Variants in ABCD2 observed in about 807,000 individuals in gnomAD.
The protein encoded by ABCD2 is ATP binding cassette subfamily D member 2.
ABCD2 carries 36 observed loss-of-function variants against 70.9 expected under a neutral mutation model. That is an observed-to-expected ratio of 0.51 (90% CI 0.39 to 0.67). ABCD2 has a LOEUF of 0.67. ABCD2 is among the 30% of genes least tolerant of loss of function. The probability of loss-of-function intolerance (pLI) is 0.00; values close to 1 mark genes in which losing one functional copy is unlikely to be tolerated. For missense variants in ABCD2, 729 were observed against 890.2 expected, an observed-to-expected ratio of 0.82 and a Z score of 2.30; for synonymous variants, 304 against 306.9, an observed-to-expected ratio of 0.99 and a Z score of 0.10.
At chr12:39,586,735 T>A (rs78639817) in intron 6 of ABCD2, among the ~76,000 whole-genome samples, 2,394 of 152,264 alleles carry the variant, frequency 0.016, 47 homozygotes, top group African/African-American at 0.053. Context: ...GTATATACTT[T>A]GTTTCACTGT....
chr12:39,591,733 AT>A (rs1333146162), intron 6 of ABCD2, among the ~76,000 whole-genome samples: 11 of 152,242 alleles, frequency 7.2e-5, no homozygotes, highest in African/African-American at 2.2e-4. Context: ...AAATAAATAT[AT>A]TATTAGTGGA....
At chr12:39,571,381 C>A (rs1200420033) in intron 9 of ABCD2, among the ~76,000 whole-genome samples, 2 of 152,064 alleles carry the variant, frequency 1.3e-5, no homozygotes, top group Non-Finnish European at 2.9e-5. Flanking sequence ...GAATACTACT[C>A]CACTGTAAAA....
chr12:39,537,687 T>C, the ABCD2 span, among the ~76,000 whole-genome samples: 4 of 152,162 alleles, frequency 2.6e-5, no homozygotes, highest in Non-Finnish European at 5.9e-5. Flanking sequence ...CTTATGTACA[T>C]TTTTCATTAG....
At chr12:39,612,644 CTAAT>C (rs1028179668) in intron 2 of ABCD2, among the ~76,000 whole-genome samples, 11 of 152,132 alleles carry the variant, frequency 7.2e-5, no homozygotes, top group African/African-American at 2.4e-4. Context: ...TTATGCATAC[CTAAT>C]TAGAGTTTTA....
At chr12:39,548,258 C>G (rs1386469726), downstream of ABCD2, among the ~76,000 whole-genome samples, 1 of 151,996 alleles carries the variant, frequency 6.6e-6, no homozygotes, top group Admixed American at 6.6e-5. Flanking sequence ...TTAAGGTAGG[C>G]GAGACTAAAC....
Position 39,617,049 on chromosome 12 carries a change from G to T in ABCD2, c.1059C>A (p.Ser353Arg). The change falls in exon 2 of 10, where the codon AGC (serine) becomes AGA (arginine). Residue 353 changes from serine (S) to arginine (R), a missense_variant. By Grantham distance (110) the Ser-to-Arg change is moderately radical. Transcript: ENST00000308666. ...TAGCCACCATAATTAGTCCACTGCT[G>T]CTCCAAACATACTTCATCAGGAACT... is the stretch of plus-strand genomic sequence containing the variant. ...IEQFLMKYVWSSSGLIMVAIP... is the reference protein window; with the variant it reads ...IEQFLMKYVWRSSGLIMVAIP... 6.2e-7 allele frequency: 1 copy of T among 1,612,284 alleles called. No homozygotes were observed. Among genetic ancestry groups the T allele is most frequent in the South Asian group, 1.1e-5 (1 of 90,774 alleles).
chr12:39,598,308 A>G (rs578104204), intron 6 of ABCD2, among the ~76,000 whole-genome samples: 3 of 152,344 alleles, frequency 2.0e-5, no homozygotes, highest in East Asian at 1.9e-4. Flanking sequence ...AATTTCATAC[A>G]TAAGTGTCAA....
chr12:39,584,030 G>T (rs1941632436), intron 7 of ABCD2, among the ~76,000 whole-genome samples: 1 of 152,096 alleles, frequency 6.6e-6, no homozygotes, highest in African/African-American at 2.4e-5. Context: ...ATATTCCTCT[G>T]AGTATAAACC....
intron 1 of ABCD2, among the ~76,000 whole-genome samples, chr12:39,618,222 TGGCTCTTC>T (rs950064215): frequency 2.6e-5 from 4 of 152,174 alleles, no homozygotes; most frequent in African/African-American, 9.7e-5. Context: ...TAAGAAACCC[TGGCTCTTC>T]CCCCCTCTTG....
intron 6 of ABCD2, among the ~76,000 whole-genome samples, chr12:39,589,808 T>C (rs1412519931): frequency 6.6e-6 from 1 of 152,242 alleles, no homozygotes; most frequent in African/African-American, 2.4e-5. Context: ...TATATATTTA[T>C]TGAGGACTAA....
chr12:39,618,186 T>G (rs1432551559), intron 1 of ABCD2, among the ~76,000 whole-genome samples: 5 of 152,168 alleles, frequency 3.3e-5, no homozygotes, highest in Non-Finnish European at 7.4e-5. Context: ...TGATCAGACA[T>G]GCAAAATTGT....
rs188777963 is a variant in ABCD2, at chr12:39,558,251, C to A, written c.2004-4120G>T. ...AGGGCCTATAGCCCCTTCTTTTTGG[C>A]CAATTTGGAATGGGTGTATTTGCCC... On this transcript the variant is annotated intron_variant, in intron 9 of 9. Transcript: ENST00000308666. 6.3e-4 allele frequency among the ~76,000 whole-genome samples: 96 copies of A among 152,264 alleles called. No homozygotes were observed. The Middle Eastern group carries it at 0.01, about 16-fold the overall frequency.
the ABCD2 span, among the ~76,000 whole-genome samples, chr12:39,534,760 G>GAGAC: frequency 1.8e-5 from 2 of 113,180 alleles, no homozygotes; most frequent in Non-Finnish European, 3.4e-5. Flanking sequence ...AAGAAAGAAA[G>GAGAC]AGAAAGAAAG....
chr12:39,531,289 T>C, the ABCD2 span, among the ~76,000 whole-genome samples: 1 of 152,148 alleles, frequency 6.6e-6, no homozygotes, highest in African/African-American at 2.4e-5. Flanking sequence ...CCTCTAAAAT[T>C]GCTGCGTTAA....
intron 6 of ABCD2, among the ~76,000 whole-genome samples, chr12:39,598,486 T>C (rs10877164): frequency 0.82 from 124,540 of 152,104 alleles, 51,207 homozygotes; most frequent in Non-Finnish European, 0.85. Context: ...CCGCGACCTC[T>C]GTCTCCCAGG....
At chr12:39,613,677 G>A (rs1438746297) in intron 2 of ABCD2, among the ~76,000 whole-genome samples, 1 of 152,136 alleles carries the variant, frequency 6.6e-6, no homozygotes, top group Non-Finnish European at 1.5e-5. Flanking sequence ...CAGTGCATCT[G>A]GAGTTATATA....
At chr12:39,537,294 G>A in the ABCD2 span, among the ~76,000 whole-genome samples, 8 of 152,184 alleles carry the variant, frequency 5.3e-5, no homozygotes, top group South Asian at 1.7e-3. Context: ...CTCAGTTGAT[G>A]GTATATCCAG....
At chr12:39,616,488 C>G (rs1470645437) in intron 2 of ABCD2, among the ~76,000 whole-genome samples, 1 of 152,020 alleles carries the variant, frequency 6.6e-6, no homozygotes, top group Non-Finnish European at 1.5e-5. Flanking sequence ...TATTCCATGG[C>G]ACTTAAGCAT....
At chr12:39,588,782 C>A (rs1180131729) in intron 6 of ABCD2, among the ~76,000 whole-genome samples, 1 of 151,568 alleles carries the variant, frequency 6.6e-6, no homozygotes. Flanking sequence ...AATAGTCTGG[C>A]ATTCTTTAAA....
Sources: gnomAD v4.1 joint callset for allele counts (sites outside exome capture counted in the v4.1 genomes callset) on GRCh38, gnomAD v4.1.1 for gene constraint, MANE v1.5 for transcripts, NCBI Gene and HGNC (gene_info 2026-07-23, HGNC 2026-07-21) for gene names.